The following PALM2AKAP2 variants were observed in gnomAD, a reference collection of about 807,000 sequenced individuals.
PALM2AKAP2 encodes PALM2-AKAP2 fusion protein.
A neutral mutation model predicts 71.5 loss-of-function variants in PALM2AKAP2; 37 were observed. The observed-to-expected ratio is 0.52, with a 90% CI of 0.40 to 0.68. The LOEUF is 0.68. Among genes scored for constraint, PALM2AKAP2 ranks in the 30% least tolerant of loss-of-function variants. PALM2AKAP2 has a pLI of 0.00. For synonymous variants in PALM2AKAP2, 468 were observed against 478.8 expected (o/e 0.98, Z 0.29); for missense variants, 1,224 against 1,191.8 (o/e 1.03, Z -0.40).
chr9:109,942,765 C>T (rs1266199867), intron 6 of PALM2AKAP2: 2 of 1,613,952 alleles, frequency 1.2e-6, no homozygotes, highest in South Asian at 1.1e-5. Flanking sequence ...CTACCATTGG[C>T]CCAGAGGGGG....
intron 1 of PALM2AKAP2, among the ~76,000 whole-genome samples, chr9:109,649,740 G>T (rs188654375): frequency 8.5e-5 from 13 of 152,308 alleles, no homozygotes; most frequent in Admixed American, 2.6e-4. Flanking sequence ...CCAAGAATAG[G>T]TAGAGGGGAT....
At chr9:109,888,711 CAAAAA>C (rs34495775) in intron 3 of PALM2AKAP2, among the ~76,000 whole-genome samples, 18 of 98,818 alleles carry the variant, frequency 1.8e-4, no homozygotes, top group African/African-American at 6.1e-4. Context: ...ATTTTGCCTC[CAAAAA>C]AAAAAAAAAA....
intron 1 of PALM2AKAP2, among the ~76,000 whole-genome samples, chr9:109,772,784 C>T (rs919425844): frequency 7.2e-5 from 11 of 152,316 alleles, no homozygotes; most frequent in African/African-American, 2.4e-4. Flanking sequence ...GTTAGCACAA[C>T]CTTTTCTCCC....
intron 1 of PALM2AKAP2, chr9:110,125,416 A>G (rs145169838): frequency 1.2e-6 from 1 of 848,474 alleles, no homozygotes; most frequent in East Asian, 1.2e-4. Context: ...GAAGGAGGTT[A>G]AAGTCCTTCT....
intron 1 of PALM2AKAP2, among the ~76,000 whole-genome samples, chr9:109,719,342 C>T (rs887206560): frequency 2.6e-5 from 4 of 152,168 alleles, no homozygotes; most frequent in South Asian, 2.1e-4. Flanking sequence ...CTTCCAGTTT[C>T]TCAGGCTAAT....
chr9:109,709,054 G>A (rs1660711358), intron 1 of PALM2AKAP2, among the ~76,000 whole-genome samples: 1 of 152,160 alleles, frequency 6.6e-6, no homozygotes, highest in Non-Finnish European at 1.5e-5. Context: ...CTGTCAAGGG[G>A]CTGAGCAGAG....
chr9:109,869,184 CAT>C lies in PALM2AKAP2; in HGVS notation c.126+1616_126+1617del, dbSNP rs780269843. Among the ~76,000 whole-genome samples the C allele has an allele frequency of 7.9e-5, 12 of 152,290 alleles. No individual in the cohort carries two copies. The East Asian group carries it at 2.3e-3, about 29-fold the overall frequency. On this transcript the variant is annotated intron_variant, in intron 2 of 9. Coordinates refer to the PALM2AKAP2 transcript ENST00000302798. ...TCCCTGAATCCAGTCAGGGAATAAA[CAT>C]ATGTCAAAACATCAAGGGATTTTTT...
intron 6 of PALM2AKAP2, among the ~76,000 whole-genome samples, chr9:109,968,370 C>G (rs1391782694): frequency 6.6e-6 from 1 of 152,162 alleles, no homozygotes; most frequent in Non-Finnish European, 1.5e-5. Flanking sequence ...TCAACAAGAG[C>G]TATTTTGATT....
rs117467397 is a variant in PALM2AKAP2 at position 110,130,328 on chromosome 9, G to A, written c.157-5799G>A. ...CAAAAAGTCTGGTAGGACTTTTATA[G>A]GTAGAGCCAAGAAATGACCCCAGAC... On this transcript the variant is annotated intron_variant, in intron 1 of 3. Coordinates refer to ENST00000374525, the Ensembl canonical transcript of PALM2AKAP2. 1.5e-3 allele frequency among the ~76,000 whole-genome samples: 221 copies of A among 152,268 alleles called. 6 individuals carry two copies. The East Asian group carries it at 0.034, about 23-fold the overall frequency.
At chr9:109,763,373 C>T (rs981704181) in intron 1 of PALM2AKAP2, among the ~76,000 whole-genome samples, 3 of 152,116 alleles carry the variant, frequency 2.0e-5, no homozygotes, top group Non-Finnish European at 4.4e-5. Context: ...GTAGGTAAGA[C>T]CCTGCCCTGC....
chr9:110,139,708 T>C (rs879815880), intron 2 of PALM2AKAP2, among the ~76,000 whole-genome samples: 3 of 152,166 alleles, frequency 2.0e-5, no homozygotes, highest in African/African-American at 7.2e-5. Flanking sequence ...CTTTTTAAAA[T>C]TGGAAAGAAT....
chr9:110,117,954 T>C (rs535808889), intron 1 of PALM2AKAP2, among the ~76,000 whole-genome samples: 50 of 10,588 alleles, frequency 4.7e-3, no homozygotes, highest in Admixed American at 0.011. Flanking sequence ...GTAAGATACA[T>C]ATATATATAT....
Position 109,657,938 on chromosome 9 carries a change from T to TTGTGTGTGTGTG in PALM2AKAP2, c.5+17098_5+17109dup, listed in dbSNP as rs35984840. On this transcript the variant is annotated intron_variant, in intron 1 of 6. Coordinates refer to the PALM2AKAP2 transcript ENST00000374531. ...ATTGAGCTCACAGATTTGTGTGTGTTTGTGTGTGTGTGTGTGTGTGTGTGT... is the reference window on the plus strand; with the variant it reads ...ATTGAGCTCACAGATTTGTGTGTGTTTGTGTGTGTGTGTGTGTGTGTGTGTGTGTGTGTGTGT... Among the ~76,000 whole-genome samples, 391 of 142,540 alleles carry TTGTGTGTGTGTG rather than the reference T, an allele frequency of 2.7e-3. 1 individual carries two copies. The highest frequency in any genetic ancestry group is 7.1e-3 in the Middle Eastern group (2 of 282). The allele number at this position is 142,540 out of a possible 152,430, so 93.5% of individuals were successfully genotyped here.
chr9:109,704,571 G>T (rs954029226), intron 1 of PALM2AKAP2, among the ~76,000 whole-genome samples: 1 of 152,236 alleles, frequency 6.6e-6, no homozygotes, highest in East Asian at 1.9e-4. Flanking sequence ...CTCTTCTTTA[G>T]GGAGGTCAGT....
At chr9:109,873,095 A>G (rs1027963769) in intron 2 of PALM2AKAP2, among the ~76,000 whole-genome samples, 13 of 152,202 alleles carry the variant, frequency 8.5e-5, no homozygotes, top group Non-Finnish European at 1.8e-4. Flanking sequence ...AAAGAGGGAC[A>G]GGACACAGAT....
exon 4 of PALM2AKAP2, chr9:110,169,317 ATTT>A (rs1836804643): frequency 1.3e-5 from 2 of 152,538 alleles, no homozygotes; most frequent in East Asian, 1.9e-4. Flanking sequence ...GGCAACAACT[ATTT>A]TTATGATGGG....
intron 1 of PALM2AKAP2, among the ~76,000 whole-genome samples, chr9:110,123,817 C>T (rs911980667): frequency 1.3e-5 from 2 of 152,226 alleles, no homozygotes; most frequent in African/African-American, 2.4e-5. Context: ...TCTTGCATCG[C>T]TGGTCGAGGG....
chr9:109,738,491 C>T (rs1587889149), intron 1 of PALM2AKAP2, among the ~76,000 whole-genome samples: 1 of 152,152 alleles, frequency 6.6e-6, no homozygotes, highest in Middle Eastern at 3.2e-3. Flanking sequence ...AGCAAGGTCT[C>T]AGGATAAAAG....
chr9:109,662,596 G>A (rs1003808184), intron 1 of PALM2AKAP2, among the ~76,000 whole-genome samples: 6 of 151,504 alleles, frequency 4.0e-5, no homozygotes, highest in African/African-American at 1.2e-4. Flanking sequence ...TTTTTGCATC[G>A]ATGTTCATCA....
Sources: allele counts gnomAD v4.1 joint callset (sites outside exome capture counted in the v4.1 genomes callset), GRCh38; gene constraint gnomAD v4.1.1; transcripts MANE v1.5; gene names NCBI Gene and HGNC (gene_info 2026-07-23, HGNC 2026-07-21).